The following ELMOD3 variants were observed in gnomAD, a reference collection of about 807,000 sequenced individuals.
ELMOD3 encodes the protein ELMO domain containing 3, also known as ELMO domain-containing protein 3.
A neutral mutation model predicts 47.4 loss-of-function variants in ELMOD3; 36 were observed. That is an observed-to-expected ratio of 0.76 (90% CI 0.58 to 1.00). The LOEUF (loss-of-function observed/expected upper bound fraction) is 1.00. Ranked by LOEUF, ELMOD3 falls within the 50% of genes least tolerant of loss-of-function variation. ELMOD3 has a pLI of 0.00. For missense variants in ELMOD3, 404 were observed against 463.8 expected (o/e 0.87, Z 1.18); for synonymous variants, 149 against 183.5 (o/e 0.81, Z 1.52).
chr2:85,387,807 C>T (rs139580731), intron 11 of ELMOD3, among the ~76,000 whole-genome samples: 1,693 of 152,160 alleles, frequency 0.011, 13 homozygotes, highest in Middle Eastern at 0.034. Context: ...AGGGACTCTA[C>T]GTATAGTTAT....
intron 11 of ELMOD3, among the ~76,000 whole-genome samples, chr2:85,379,981 G>A (rs1311665768): frequency 6.6e-6 from 1 of 152,114 alleles, no homozygotes; most frequent in Non-Finnish European, 1.5e-5. Context: ...CCTGTTCAGG[G>A]ACTGTGTACA....
At chr2:85,357,760 A>G (rs1462305086) in intron 4 of ELMOD3, among the ~76,000 whole-genome samples, 1 of 152,168 alleles carries the variant, frequency 6.6e-6, no homozygotes, top group Non-Finnish European at 1.5e-5. Context: ...GATTTTCTTC[A>G]CTGTAGTAAT....
intron 11 of ELMOD3, among the ~76,000 whole-genome samples, chr2:85,389,242 G>A (rs1414046464): frequency 6.6e-6 from 1 of 152,234 alleles, no homozygotes; most frequent in Non-Finnish European, 1.5e-5. Context: ...AAGTCAGGAT[G>A]ACCTTCTACC....
rs1268007497 is a variant in ELMOD3, at chr2:85,391,060, G to T, written c.*98G>T. ...GCCTGGCCAGGCCGCACCCCTTGCT[G>T]TCTCAGCAGATGGGATATAGGAAGC... On this transcript the variant is annotated 3_prime_UTR_variant, in exon 14 of 14. Transcript: ENST00000409013. The T allele has an allele frequency of 1.2e-5, 14 of 1,214,498 alleles. No homozygotes were observed. The highest frequency in any genetic ancestry group is 1.6e-5 in the Non-Finnish European group (14 of 871,490). The allele number at this position is 1,214,498 out of a possible 1,614,324, so 75.2% of individuals were successfully genotyped here. A position where few individuals can be genotyped will look rare whatever the true frequency, so the allele number is the denominator to read the frequency against.
chr2:85,377,486 G>A lies in ELMOD3; in HGVS notation c.738+12G>A. Reference sequence around the variant, plus strand: ...GTCACCACATCCAGGTGAGACTTTGGTGGGAAGCCAGAGGAAAGGAAAGGG... The same window carrying A: ...GTCACCACATCCAGGTGAGACTTTGATGGGAAGCCAGAGGAAAGGAAAGGG... On this transcript the variant is annotated intron_variant, in intron 11 of 13. Transcript: ENST00000409013. 3 of 1,603,148 alleles carry A rather than the reference G, an allele frequency of 1.9e-6. No homozygotes were observed. In the Middle Eastern group the frequency reaches 5.0e-4, roughly 267 times the overall value.
At chr2:85,370,549 T>C (rs188185557) in intron 8 of ELMOD3, among the ~76,000 whole-genome samples, 1 of 152,206 alleles carries the variant, frequency 6.6e-6, no homozygotes, top group African/African-American at 2.4e-5. Flanking sequence ...AGGAACCAAG[T>C]TGTTTTATAG....
chr2:85,357,296 A>G (rs778847488), intron 4 of ELMOD3, 44 bp downstream of exon 4: 2 of 1,271,286 alleles, frequency 1.6e-6, no homozygotes, highest in South Asian at 2.5e-5. Flanking sequence ...TTGGTTTGAG[A>G]TATATCATTA....
chr2:85,371,484 A>T lies in ELMOD3; in HGVS notation c.529A>T (p.Thr177Ser). ...QDPVHGRVLQ[T>S]IYKKLTGSKF... ...CCCAGTGCATGGCCGAGTCCTCCAG[A>T]CCATCTATAAGAAGCTGACCGGCTC... Residue 177 changes from threonine (T) to serine (S), a missense_variant, in exon 10 of 14, where the codon ACC becomes TCC. Thr to Ser is a moderately conservative substitution (Grantham distance 58, BLOSUM62 1). Coordinates refer to ENST00000409013, the MANE Select transcript of ELMOD3 (RefSeq NM_001135022.2). The T allele has an allele frequency of 6.2e-7, 1 of 1,614,198 alleles. No homozygotes were observed.
rs764268462 is a variant in ELMOD3, at chr2:85,363,097, A to G, written c.130A>G (p.Ile44Val). The G allele has an allele frequency of 6.2e-6, 10 of 1,605,198 alleles. No individual in the cohort carries two copies. The highest frequency in any genetic ancestry group is 8.5e-6 in the Non-Finnish European group (10 of 1,172,100). ...KSVLAFRGIP[I>V]SELKNHGILQ... ...AGCTAAAGGTCAGCTGCCTCTACAGATCTCAGAGTTGAAGAACCATGGCAT... is the reference window on the plus strand; with the variant it reads ...AGCTAAAGGTCAGCTGCCTCTACAGGTCTCAGAGTTGAAGAACCATGGCAT... Residue 44 changes from isoleucine to valine, a missense_variant and splice_region_variant, in exon 6 of 14, where the codon ATC (isoleucine) becomes GTC (valine). Ile to Val is a conservative substitution (Grantham distance 29). Transcript: ENST00000409013.
intron 6 of ELMOD3, among the ~76,000 whole-genome samples, chr2:85,363,884 C>A (rs1476593804): frequency 1.3e-5 from 2 of 152,190 alleles, no homozygotes; most frequent in Non-Finnish European, 2.9e-5. Flanking sequence ...AGGTCCCTCC[C>A]ACAGCACATG....
chr2:85,362,242 G>A lies in ELMOD3; in HGVS notation c.111G>A (p.Leu37=), dbSNP rs1684029648. The part of the protein sequence containing the change: ...SPSYDKDKSV[L]AFRGIPISEL... ...CATATGACAAGGACAAGAGTGTTCT[G>A]GCTTTCAGAGGAATCCCTGTATGTA... Residue 37 remains leucine (L), a synonymous_variant, in exon 5 of 14, where the codon CTG becomes CTA. Transcript: ENST00000409013. 2.5e-6 allele frequency: 4 copies of A among 1,597,460 alleles called. No homozygotes were observed. The highest frequency in any genetic ancestry group is 3.4e-6 in the Non-Finnish European group (4 of 1,164,822).
chr2:85,381,464 A>G (rs1685534888), intron 11 of ELMOD3, among the ~76,000 whole-genome samples: 1 of 152,236 alleles, frequency 6.6e-6, no homozygotes, highest in Non-Finnish European at 1.5e-5. Context: ...TAAACAATCT[A>G]TAAAATTTTA....
rs768984399 is a variant in ELMOD3, at chr2:85,390,203, A to G, written c.881A>G (p.His294Arg). ...VNSFYAATFL[H>R]LAHVWRTQRK... Reference sequence around the variant, plus strand: ...AGCTTCTATGCCGCCACATTCCTCCACCTCGCACATGTCTGGAGGACACAG... The same window carrying G: ...AGCTTCTATGCCGCCACATTCCTCCGCCTCGCACATGTCTGGAGGACACAG... The change falls in exon 13 of 14, where the codon CAC (histidine) becomes CGC (arginine). Residue 294 changes from histidine to arginine, a missense_variant. Coordinates refer to ENST00000409013, the MANE Select transcript of ELMOD3 (RefSeq NM_001135022.2). 34 of 1,614,096 alleles carry G rather than the reference A, an allele frequency of 2.1e-5. No individual in the cohort carries two copies. In the South Asian group the frequency reaches 2.6e-4, roughly 13 times the overall value.
intron 11 of ELMOD3, chr2:85,387,159 A>C: frequency 7.7e-7 from 1 of 1,295,212 alleles, no homozygotes; most frequent in Non-Finnish European, 1.0e-6. Context: ...TAAATAGGCA[A>C]TACCTGAAGG....
intron 8 of ELMOD3, among the ~76,000 whole-genome samples, chr2:85,370,458 T>C (rs1457821979): frequency 2.0e-5 from 3 of 151,264 alleles, no homozygotes; most frequent in Non-Finnish European, 4.4e-5. Context: ...CTGGGCCATA[T>C]TGAGTAACAA....
chr2:85,389,957 C>T (rs1006313854), intron 12 of ELMOD3, 130 bp downstream of exon 12: 14 of 1,065,572 alleles, frequency 1.3e-5, no homozygotes, highest in South Asian at 8.9e-5. Flanking sequence ...CCCCATGCAC[C>T]GGTCTCCCCA....
chr2:85,381,339 A>G (rs564212964), intron 11 of ELMOD3, among the ~76,000 whole-genome samples: 1 of 152,376 alleles, frequency 6.6e-6, no homozygotes, highest in African/African-American at 2.4e-5. Context: ...TAACTCAAGG[A>G]TTTCAAAAAG....
At position 85,363,549 on chromosome 2, in the gene ELMOD3, A is replaced by G. The variant is rs555159906; in HGVS notation, c.199+383A>G. Among the ~76,000 whole-genome samples, 3 of 152,384 alleles carry G rather than the reference A, an allele frequency of 2.0e-5. No homozygotes were observed. The East Asian group carries it at 5.8e-4, about 29-fold the overall frequency. Reference sequence around the variant, plus strand: ...AGTTCACTCTACTTGCCAAGTGATTATGGAGAAAGGTACACTCCAGCCTGG... The same window carrying G: ...AGTTCACTCTACTTGCCAAGTGATTGTGGAGAAAGGTACACTCCAGCCTGG... On this transcript the variant is annotated intron_variant, in intron 6 of 13. Transcript: ENST00000409013.
In ELMOD3 at chr2:85,357,049, T is replaced by A. The variant is rs919146144; in HGVS notation, c.-150T>A. 3 of 584,592 alleles carry A rather than the reference T, an allele frequency of 5.1e-6. No individual in the cohort carries two copies. Among genetic ancestry groups the A allele is most frequent in the Non-Finnish European group, 9.1e-6 (3 of 331,158 alleles). 36.2% of individuals were successfully genotyped at this position (584,592 alleles called of 1,614,324 possible). A position where few individuals can be genotyped will look rare whatever the true frequency, so the allele number is the denominator to read the frequency against. On this transcript the variant is annotated 5_prime_UTR_variant, in exon 4 of 14. It introduces an in-frame stop codon into an upstream open reading frame of the 5' UTR. Transcript: ENST00000409013. ...ACCCTCGGATGGCACAAAGGGACTG[T>A]TTTCTTACTCTTAGTCTGAGTGACT...
Sources: allele counts gnomAD v4.1 joint callset (sites outside exome capture counted in the v4.1 genomes callset), GRCh38; gene constraint gnomAD v4.1.1; transcripts MANE v1.5; gene names NCBI Gene and HGNC (gene_info 2026-07-23, HGNC 2026-07-21).